The following NFIC variants were observed in gnomAD, a reference collection of about 807,000 sequenced individuals.
The protein encoded by NFIC is nuclear factor 1 C-type.
NFIC carries 12 observed loss-of-function variants against 54.4 expected under a neutral mutation model. The ratio of observed to expected loss-of-function variants is 0.22; its 90% confidence interval spans 0.14 to 0.36. NFIC has a LOEUF of 0.36. Among genes scored for constraint, NFIC ranks in the 10% least tolerant of loss-of-function variants. NFIC has a pLI of 1.00. For missense variants in NFIC, 575 were observed against 718.2 expected, an observed-to-expected ratio of 0.80 and a Z score of 2.28; for synonymous variants, 322 against 319.2, an observed-to-expected ratio of 1.01 and a Z score of -0.09.
intron 2 of NFIC, among the ~76,000 whole-genome samples, chr19:3,384,578 G>A (rs538498598): frequency 4.0e-4 from 61 of 152,098 alleles, no homozygotes; most frequent in African/African-American, 1.4e-3. Context: ...TAGTAGAGAC[G>A]GGGTTTCACC....
At chr19:3,366,523 C>T (rs1438384985), upstream of NFIC, 4 of 416,064 alleles carry the variant, frequency 9.6e-6, no homozygotes, top group Non-Finnish European at 1.4e-5. Flanking sequence ...GAGAGCGCGC[C>T]GGCCGCGGGG....
At chr19:3,378,331 A>G (rs2081143462) in intron 1 of NFIC, among the ~76,000 whole-genome samples, 1 of 151,832 alleles carries the variant, frequency 6.6e-6, no homozygotes, top group Non-Finnish European at 1.5e-5. Flanking sequence ...ACTGGGCTCA[A>G]GTGATCCACC....
intron 2 of NFIC, among the ~76,000 whole-genome samples, chr19:3,383,593 G>A (rs1048642312): frequency 1.8e-4 from 28 of 152,198 alleles, no homozygotes; most frequent in African/African-American, 6.3e-4. Flanking sequence ...GTGTAGCCAC[G>A]TGCGAGGTGT....
upstream of NFIC, among the ~76,000 whole-genome samples, chr19:3,365,315 T>G (rs2080866105): frequency 6.6e-6 from 1 of 152,222 alleles, no homozygotes; most frequent in Admixed American, 6.5e-5. Context: ...GTGTCTTTAG[T>G]GAACATTTGA....
intron 2 of NFIC, among the ~76,000 whole-genome samples, chr19:3,424,276 C>G (rs911722746): frequency 1.3e-5 from 2 of 152,108 alleles, no homozygotes; most frequent in Non-Finnish European, 2.9e-5. Context: ...GATTTTCCTG[C>G]CTTGGCCTCC....
rs1021280734 is a variant in NFIC, at chr19:3,404,421, G to A, written c.563-20685G>A. On this transcript the variant is annotated intron_variant, in intron 2 of 10. Transcript: ENST00000443272. ...GAGTGGCAGATAATGGGGAGGGGGC[G>A]CGGAGGCGTGGGGAGCCCTGGGTGG... Among the ~76,000 whole-genome samples the A allele has an allele frequency of 1.5e-3, 235 of 152,266 alleles. 1 individual carries two copies. Among genetic ancestry groups the A allele is most frequent in the African/African-American group, 5.4e-3 (224 of 41,560 alleles).
chr19:3,441,703 C>G (rs555888262), intron 6 of NFIC, among the ~76,000 whole-genome samples: 1 of 151,702 alleles, frequency 6.6e-6, no homozygotes, highest in East Asian at 1.9e-4. Flanking sequence ...CAGGAAGGGC[C>G]GGAGGGGCTG....
intron 6 of NFIC, among the ~76,000 whole-genome samples, chr19:3,440,080 C>T (rs1324875584): frequency 2.0e-5 from 3 of 152,116 alleles, no homozygotes; most frequent in Admixed American, 2.0e-4. Flanking sequence ...ATTATTAATT[C>T]GCGGCTAAGC....
At chr19:3,429,781 C>A (rs1254232448) in intron 3 of NFIC, among the ~76,000 whole-genome samples, 1 of 152,184 alleles carries the variant, frequency 6.6e-6, no homozygotes, top group Admixed American at 6.6e-5. Flanking sequence ...TCCACTCCAA[C>A]CCTGCTGGCC....
At chr19:3,404,734 A>T (rs1464747038) in intron 2 of NFIC, among the ~76,000 whole-genome samples, 1 of 152,182 alleles carries the variant, frequency 6.6e-6, no homozygotes, top group Non-Finnish European at 1.5e-5. Context: ...TGGCCGCCAG[A>T]GGGATGATGT....
chr19:3,371,998 CCTCTCT>C (rs56852086), intron 1 of NFIC, among the ~76,000 whole-genome samples: 436 of 35,408 alleles, frequency 0.012, 35 homozygotes, highest in African/African-American at 0.028. Flanking sequence ...CCTCTCTCTC[CCTCTCT>C]CTCTCTCTCT....
chr19:3,371,883 CCTT>C (rs1472108306), intron 1 of NFIC, among the ~76,000 whole-genome samples: 4 of 46,770 alleles, frequency 8.6e-5, no homozygotes, highest in African/African-American at 2.8e-4. Flanking sequence ...CTTTCTCTCT[CCTT>C]CCTTCCTTCC....
chr19:3,366,267 G>A (rs2080880239), upstream of NFIC, among the ~76,000 whole-genome samples: 1 of 151,414 alleles, frequency 6.6e-6, no homozygotes, highest in East Asian at 2.0e-4. Context: ...GAGACGTCGG[G>A]GGAGGCTCTC....
chr19:3,361,493 C>A (rs1240090575), intron 1 of NFIC, among the ~76,000 whole-genome samples: 1 of 149,062 alleles, frequency 6.7e-6, no homozygotes, highest in African/African-American at 2.5e-5. Context: ...CGCCGCTCTC[C>A]ACCCCCACCC....
At chr19:3,380,475 T>C (rs1170569495) in intron 1 of NFIC, among the ~76,000 whole-genome samples, 1 of 151,042 alleles carries the variant, frequency 6.6e-6, no homozygotes, top group East Asian at 2.0e-4. Context: ...ACAGGTGTGC[T>C]CCAATATGCC....
chr19:3,455,596 G>A (rs1169598974), intron 9 of NFIC, among the ~76,000 whole-genome samples: 1 of 149,620 alleles, frequency 6.7e-6, no homozygotes, highest in Non-Finnish European at 1.5e-5. Context: ...ATAGATGCAG[G>A]ATACTGCTTA....
At chr19:3,396,471 CA>C (rs60749462) in intron 2 of NFIC, among the ~76,000 whole-genome samples, 3,238 of 55,512 alleles carry the variant, frequency 0.058, 105 homozygotes, top group African/African-American at 0.16. Flanking sequence ...GACTCCGTCT[CA>C]AAAAAAAAAA....
Position 3,463,740 on chromosome 19 carries a change from G to T in NFIC, c.*971G>T, listed in dbSNP as rs1295502100. ...AATGCACTTTCCGAGGAAGGGGATG[G>T]GGGAGCCCGGACACCCAGAGCTCCC... is the stretch of plus-strand genomic sequence containing the variant. On this transcript the variant is annotated 3_prime_UTR_variant, in exon 11 of 11. Coordinates refer to ENST00000443272, the MANE Select transcript of NFIC (RefSeq NM_001245002.2). 4.1e-6 allele frequency: 4 copies of T among 985,306 alleles called. No individual in the cohort carries two copies. The highest frequency in any genetic ancestry group is 4.8e-6 in the Non-Finnish European group (4 of 829,984). The allele number at this position is 985,306 out of a possible 1,614,324, so 61.0% of individuals were successfully genotyped here. A position where few individuals can be genotyped will look rare whatever the true frequency, so the allele number is the denominator to read the frequency against.
intron 2 of NFIC, among the ~76,000 whole-genome samples, chr19:3,398,640 G>A (rs2081503020): frequency 6.6e-6 from 1 of 152,134 alleles, no homozygotes; most frequent in Non-Finnish European, 1.5e-5. Flanking sequence ...TCGGACCCGG[G>A]CTGTACCCTG....
Sources: gnomAD v4.1 joint callset for allele counts (sites outside exome capture counted in the v4.1 genomes callset) on GRCh38, gnomAD v4.1.1 for gene constraint, MANE v1.5 for transcripts, NCBI Gene and HGNC (gene_info 2026-07-23, HGNC 2026-07-21) for gene names.